Variants in LRP1B observed in about 807,000 individuals in gnomAD.
The protein encoded by LRP1B is low-density lipoprotein receptor-related protein 1B.
In LRP1B, 217 loss-of-function variants were observed where a neutral mutation model predicts 556.6. The observed-to-expected ratio is 0.39, with a 90% CI of 0.35 to 0.44. The LOEUF (loss-of-function observed/expected upper bound fraction) is 0.44, where lower values mean the gene tolerates loss of function less well. LRP1B is among the 20% of genes least tolerant of loss of function. LRP1B has a pLI of 1.00. For missense variants in LRP1B, 5,053 were observed against 5,620.8 expected (o/e 0.90, Z 3.23); for synonymous variants, 2,047 against 1,865.8 (o/e 1.10, Z -2.50).
intron 41 of LRP1B, among the ~76,000 whole-genome samples, chr2:140,623,834 G>A (rs112538610): frequency 2.6e-5 from 4 of 151,092 alleles, no homozygotes; most frequent in Non-Finnish European, 5.9e-5. Flanking sequence ...CAGGAGAATC[G>A]CTTGAGCCTG....
chr2:142,085,250 G>A (rs570251186), intron 1 of LRP1B, among the ~76,000 whole-genome samples: 11 of 152,234 alleles, frequency 7.2e-5, no homozygotes, highest in African/African-American at 2.4e-4. Flanking sequence ...TTCTCAGGAT[G>A]TCTTCCTGGC....
At position 141,615,879 on chromosome 2, in the gene LRP1B, G is replaced by C. The variant is rs552317270; in HGVS notation, c.206-135346C>G. On this transcript the variant is annotated intron_variant, in intron 2 of 90. Coordinates refer to ENST00000389484, the MANE Select transcript of LRP1B (RefSeq NM_018557.3). ...TTTAACGGCATAAATCCTATAAACA[G>C]TAATAGCAAATGAAGATCCAAGCTT... Among the ~76,000 whole-genome samples the C allele has an allele frequency of 2.6e-4, 40 of 152,286 alleles. No individual in the cohort carries two copies. In the South Asian group the frequency reaches 7.0e-3, roughly 27 times the overall value.
At chr2:140,537,060 A>G (rs551112006) in intron 45 of LRP1B, among the ~76,000 whole-genome samples, 1 of 151,060 alleles carries the variant, frequency 6.6e-6, no homozygotes, top group Non-Finnish European at 1.5e-5. Context: ...AGTCCCAGCT[A>G]CTTGGGAGGT....
At chr2:140,573,230 A>C (rs975778478) in intron 43 of LRP1B, among the ~76,000 whole-genome samples, 5 of 152,014 alleles carry the variant, frequency 3.3e-5, no homozygotes, top group Non-Finnish European at 7.4e-5. Flanking sequence ...TGTATCAAAA[A>C]ATCACACTGT....
intron 2 of LRP1B, among the ~76,000 whole-genome samples, chr2:141,572,543 A>G (rs1686568005): frequency 6.6e-6 from 1 of 152,154 alleles, no homozygotes; most frequent in African/African-American, 2.4e-5. Flanking sequence ...AAACAACCAA[A>G]TAGCAGCATA....
intron 1 of LRP1B, among the ~76,000 whole-genome samples, chr2:142,009,267 T>C (rs762148937): frequency 2.6e-5 from 4 of 152,132 alleles, no homozygotes; most frequent in Non-Finnish European, 4.4e-5. Context: ...GCAAATGAGA[T>C]GATAATGTCA....
At chr2:141,391,858 C>T (rs550647175) in intron 3 of LRP1B, among the ~76,000 whole-genome samples, 1 of 152,312 alleles carries the variant, frequency 6.6e-6, no homozygotes, top group African/African-American at 2.4e-5. Context: ...TCTGATTATT[C>T]TAGAGGCTGG....
chr2:142,083,383 T>C (rs1398000573), intron 1 of LRP1B, among the ~76,000 whole-genome samples: 1 of 152,184 alleles, frequency 6.6e-6, no homozygotes, highest in African/African-American at 2.4e-5. Context: ...TCCTTCAATG[T>C]GCAGCCTCCA....
intron 27 of LRP1B, among the ~76,000 whole-genome samples, chr2:140,854,567 A>G (rs1692558701): frequency 6.6e-6 from 1 of 152,214 alleles, no homozygotes; most frequent in Non-Finnish European, 1.5e-5. Context: ...CAATTACCAA[A>G]TTTAAAAATA....
At chr2:141,230,684 A>G (rs1004794298) in intron 5 of LRP1B, among the ~76,000 whole-genome samples, 4 of 152,154 alleles carry the variant, frequency 2.6e-5, no homozygotes, top group Non-Finnish European at 5.9e-5. Flanking sequence ...TGTTCCTTGA[A>G]CAAGCCAGGG....
chr2:141,467,439 C>T (rs1388383685), intron 3 of LRP1B, among the ~76,000 whole-genome samples: 1 of 152,054 alleles, frequency 6.6e-6, no homozygotes, highest in African/African-American at 2.4e-5. Context: ...AGTATTTGCA[C>T]ATAGTACAAA....
intron 7 of LRP1B, among the ~76,000 whole-genome samples, chr2:141,186,331 T>C (rs997735597): frequency 4.3e-4 from 65 of 152,066 alleles, no homozygotes; most frequent in African/African-American, 1.5e-3. Context: ...TCCCCTTTAG[T>C]AGGTCATGTG....
chr2:140,364,909 A>G (rs1682685456), intron 71 of LRP1B, 126 bp from the exon 72 acceptor site: 2 of 680,696 alleles, frequency 2.9e-6, no homozygotes, highest in Non-Finnish European at 4.7e-6. Flanking sequence ...TATTATATTT[A>G]TTTCAAGCAT....
chr2:142,015,162 G>A (rs1184888030), intron 1 of LRP1B, among the ~76,000 whole-genome samples: 2 of 151,978 alleles, frequency 1.3e-5, no homozygotes, highest in African/African-American at 2.4e-5. Flanking sequence ...AAAGATATAC[G>A]AACTCAAGGA....
intron 2 of LRP1B, among the ~76,000 whole-genome samples, chr2:141,603,243 CT>C (rs1394257634): frequency 2.0e-5 from 3 of 152,128 alleles, no homozygotes; most frequent in Non-Finnish European, 2.9e-5. Flanking sequence ...AACAAGTGGT[CT>C]CCTATAGGTG....
At chr2:140,690,044 A>G (rs907105601) in intron 41 of LRP1B, among the ~76,000 whole-genome samples, 3 of 152,154 alleles carry the variant, frequency 2.0e-5, no homozygotes, top group African/African-American at 7.2e-5. Context: ...AAAGCAATTG[A>G]GAAACAATAG....
At chr2:141,289,399 A>G (rs1448505395) in intron 3 of LRP1B, among the ~76,000 whole-genome samples, 3 of 151,088 alleles carry the variant, frequency 2.0e-5, no homozygotes, top group Non-Finnish European at 3.0e-5. Flanking sequence ...AAAAAAAAAA[A>G]AAAAAAAGGA....
At chr2:141,131,757 T>A (rs1701363969) in intron 7 of LRP1B, among the ~76,000 whole-genome samples, 1 of 151,960 alleles carries the variant, frequency 6.6e-6, no homozygotes, top group Non-Finnish European at 1.5e-5. Context: ...TGTCATCAAA[T>A]CAGTTTAAAA....
rs1021510926 is a variant in LRP1B, at chr2:141,576,014, T to C, written c.206-95481A>G. On this transcript the variant is annotated intron_variant, in intron 2 of 90. Coordinates refer to ENST00000389484, the MANE Select transcript of LRP1B (RefSeq NM_018557.3). ...TGGGAATGTAAATTCGTTCAACCAT[T>C]GTGGAAGACATTGTGGAAGGCAATT... Among the ~76,000 whole-genome samples, 22 of 152,284 alleles carry C rather than the reference T, an allele frequency of 1.4e-4. 1 individual carries two copies. The highest frequency in any genetic ancestry group is 1.4e-3 in the Admixed American group (22 of 15,296).
Sources: gnomAD v4.1 joint callset for allele counts (sites outside exome capture counted in the v4.1 genomes callset) on GRCh38, gnomAD v4.1.1 for gene constraint, MANE v1.5 for transcripts, NCBI Gene and HGNC (gene_info 2026-07-23, HGNC 2026-07-21) for gene names.